The following FAM24B variants were observed in gnomAD, a reference collection of about 807,000 sequenced individuals.
The protein encoded by FAM24B is protein FAM24B.
FAM24B carries 3 observed loss-of-function variants against 2.3 expected under a neutral mutation model. That is an observed-to-expected ratio of 1.29 (90% CI 0.59 to 3.32). The LOEUF is 3.32. FAM24B is among the 30% of genes most tolerant of loss of function. FAM24B has a pLI of 0.03. For synonymous variants in FAM24B, 36 were observed against 46.3 expected (o/e 0.78, Z 0.90); for missense variants, 98 against 117.2 (o/e 0.84, Z 0.76).
At chr10:122,873,151 T>C (rs79749804) in intron 1 of FAM24B, among the ~76,000 whole-genome samples, 3,197 of 152,284 alleles carry the variant, frequency 0.021, 46 homozygotes, top group Middle Eastern at 0.044. Flanking sequence ...CAGACTTCTA[T>C]AGGACAAAGA....
rs545608096 is a variant in FAM24B at position 122,849,795 on chromosome 10, T to C, written c.93-356A>G. On this transcript the variant is annotated intron_variant, in intron 3 of 3. Coordinates refer to ENST00000368898, the MANE Select transcript of FAM24B (RefSeq NM_152644.3). Reference sequence around the variant, plus strand: ...TGAACTCCTTAGAATGGGGACACAATTGCATCTGACAACCAATCTCTCTGG... The same window carrying C: ...TGAACTCCTTAGAATGGGGACACAACTGCATCTGACAACCAATCTCTCTGG... Among the ~76,000 whole-genome samples the C allele has an allele frequency of 8.6e-5, 13 of 152,020 alleles. No homozygotes were observed. The South Asian group carries it at 2.5e-3, about 29-fold the overall frequency.
At chr10:122,851,897 GA>G (rs1847544903) in intron 2 of FAM24B, among the ~76,000 whole-genome samples, 1 of 151,996 alleles carries the variant, frequency 6.6e-6, no homozygotes, top group African/African-American at 2.4e-5. Flanking sequence ...TACCAATAAA[GA>G]TAAAAATTAT....
At chr10:122,864,334 A>T (rs1721694482) in intron 1 of FAM24B, among the ~76,000 whole-genome samples, 1 of 152,168 alleles carries the variant, frequency 6.6e-6, no homozygotes, top group East Asian at 1.9e-4. Flanking sequence ...TGCTTTTTTA[A>T]AAGTTCTCCT....
chr10:122,871,323 G>C (rs1847894814), intron 1 of FAM24B, among the ~76,000 whole-genome samples: 1 of 152,140 alleles, frequency 6.6e-6, no homozygotes. Flanking sequence ...CATGCTCATG[G>C]GTAGGAAGAA....
chr10:122,855,099 A>T (rs1346041056), intron 2 of FAM24B, among the ~76,000 whole-genome samples: 1 of 152,236 alleles, frequency 6.6e-6, no homozygotes. Flanking sequence ...GGCAAATGCC[A>T]TGAGAAGAGT....
At chr10:122,874,190 G>A (rs746403482) in intron 1 of FAM24B, among the ~76,000 whole-genome samples, 12 of 152,194 alleles carry the variant, frequency 7.9e-5, no homozygotes, top group Non-Finnish European at 1.3e-4. Context: ...TGCTGAAACT[G>A]TCAATTACTG....
At chr10:122,858,908 G>A (rs1847684134) in intron 1 of FAM24B, among the ~76,000 whole-genome samples, 1 of 152,156 alleles carries the variant, frequency 6.6e-6, no homozygotes, top group South Asian at 2.1e-4. Context: ...TCTGAACACG[G>A]TTCCTCTAGG....
At chr10:122,869,996 A>T (rs1847865556) in intron 1 of FAM24B, among the ~76,000 whole-genome samples, 1 of 152,224 alleles carries the variant, frequency 6.6e-6, no homozygotes. Context: ...TGAATCCAGG[A>T]GCTGGTTTTT....
At chr10:122,858,801 G>T (rs1262279351) in intron 1 of FAM24B, among the ~76,000 whole-genome samples, 5 of 152,102 alleles carry the variant, frequency 3.3e-5, no homozygotes, top group Admixed American at 3.3e-4. Flanking sequence ...AGTACCCCTT[G>T]GGCTGGTGCT....
intron 1 of FAM24B, among the ~76,000 whole-genome samples, chr10:122,866,867 A>G (rs1355958512): frequency 6.6e-6 from 1 of 152,198 alleles, no homozygotes; most frequent in Admixed American, 6.5e-5. Context: ...AATGAAAGGA[A>G]GAGTCATGTA....
intron 1 of FAM24B, among the ~76,000 whole-genome samples, chr10:122,859,796 A>G (rs1847698705): frequency 6.6e-6 from 1 of 152,168 alleles, no homozygotes; most frequent in Admixed American, 6.5e-5. Flanking sequence ...AATTCCCTGG[A>G]GAGTTTAAGG....
At chr10:122,859,811 G>C (rs1425807813) in intron 1 of FAM24B, among the ~76,000 whole-genome samples, 1 of 152,128 alleles carries the variant, frequency 6.6e-6, no homozygotes, top group Non-Finnish European at 1.5e-5. Flanking sequence ...TTAAGGCTAG[G>C]CTGGCCCTTC....
intron 1 of FAM24B, among the ~76,000 whole-genome samples, chr10:122,873,141 C>G (rs1178356567): frequency 6.6e-6 from 1 of 152,084 alleles, no homozygotes; most frequent in Admixed American, 6.6e-5. Context: ...TAGATGAAAA[C>G]AGACTTCTAT....
chr10:122,872,453 T>C (rs1847912710), intron 1 of FAM24B, among the ~76,000 whole-genome samples: 1 of 152,198 alleles, frequency 6.6e-6, no homozygotes, highest in Non-Finnish European at 1.5e-5. Context: ...CCCAAAGGAT[T>C]ATAAATCATG....
chr10:122,853,294 T>C (rs1338259424), intron 2 of FAM24B, among the ~76,000 whole-genome samples: 1 of 152,176 alleles, frequency 6.6e-6, no homozygotes, highest in Non-Finnish European at 1.5e-5. Flanking sequence ...AATGAGTGTT[T>C]CCTTACATTT....
At chr10:122,878,901 G>T (rs1285794800) in intron 1 of FAM24B, among the ~76,000 whole-genome samples, 1 of 151,852 alleles carries the variant, frequency 6.6e-6, no homozygotes, top group East Asian at 1.9e-4. Flanking sequence ...TTTCAGATAG[G>T]TAATTCTAAA....
chr10:122,875,309 T>C (rs1465694642), intron 1 of FAM24B, among the ~76,000 whole-genome samples: 1 of 152,238 alleles, frequency 6.6e-6, no homozygotes, highest in Non-Finnish European at 1.5e-5. Flanking sequence ...CTGCTTACAT[T>C]ACCCATTCAC....
chr10:122,872,150 G>A (rs1847907375), intron 1 of FAM24B, among the ~76,000 whole-genome samples: 1 of 152,184 alleles, frequency 6.6e-6, no homozygotes, highest in South Asian at 2.1e-4. Flanking sequence ...CTTCTCAAAA[G>A]AAGATATTTA....
chr10:122,863,540 T>C (rs1044558493), intron 1 of FAM24B, among the ~76,000 whole-genome samples: 1 of 152,250 alleles, frequency 6.6e-6, no homozygotes, highest in African/African-American at 2.4e-5. Flanking sequence ...AACAGTTTTC[T>C]ATTTATTTTT....
Sources: allele counts gnomAD v4.1 joint callset (sites outside exome capture counted in the v4.1 genomes callset), GRCh38; gene constraint gnomAD v4.1.1; transcripts MANE v1.5; gene names NCBI Gene and HGNC (gene_info 2026-07-23, HGNC 2026-07-21).